The following TRMT1L variants were observed in gnomAD, a reference collection of about 807,000 sequenced individuals.
The protein encoded by TRMT1L is tRNA (guanine(27)-N(2))-dimethyltransferase.
In TRMT1L, 28 loss-of-function variants were observed where a neutral mutation model predicts 81.6. That is an observed-to-expected ratio of 0.34 (90% CI 0.25 to 0.47). TRMT1L has a LOEUF of 0.47. Among genes scored for constraint, TRMT1L ranks in the 20% least tolerant of loss-of-function variants. The pLI is 1.00. For synonymous variants in TRMT1L, 301 were observed against 303.2 expected (o/e 0.99, Z 0.07); for missense variants, 739 against 877.1 (o/e 0.84, Z 1.99).
chr1:185,152,647 G>A (rs1653392401), intron 1 of TRMT1L, among the ~76,000 whole-genome samples: 1 of 152,034 alleles, frequency 6.6e-6, no homozygotes, highest in South Asian at 2.1e-4. Flanking sequence ...CAATGGGAAG[G>A]GACAGAATAG....
At chr1:185,123,099 A>G (rs944446081) in intron 13 of TRMT1L, among the ~76,000 whole-genome samples, 9 of 152,232 alleles carry the variant, frequency 5.9e-5, no homozygotes, top group Admixed American at 2.0e-4. Flanking sequence ...CCAAATGAAC[A>G]TGGCTGTTGC....
In TRMT1L at chr1:185,131,100, C is replaced by T. The variant is rs1178744762; in HGVS notation, c.1514-2353G>A. On this transcript the variant is annotated intron_variant, in intron 10 of 14. Coordinates refer to ENST00000367506, the MANE Select transcript of TRMT1L (RefSeq NM_030934.5). ...CTGCAAGCTCCGCCTCCCAGGTTCA[C>T]GCCATTCTCCTGCCTCAGCCTCCCG... is the stretch of plus-strand genomic sequence containing the variant. Among the ~76,000 whole-genome samples the T allele has an allele frequency of 3.3e-5, 5 of 152,052 alleles. No homozygotes were observed. The East Asian group carries it at 5.8e-4, about 18-fold the overall frequency.
At chr1:185,154,796 C>T (rs1653448847) in intron 1 of TRMT1L, among the ~76,000 whole-genome samples, 1 of 152,182 alleles carries the variant, frequency 6.6e-6, no homozygotes, top group Admixed American at 6.5e-5. Context: ...TAAGATAGTG[C>T]GTATCAGACA....
chr1:185,140,527 T>C (rs1045684753), intron 7 of TRMT1L, among the ~76,000 whole-genome samples: 3 of 152,156 alleles, frequency 2.0e-5, no homozygotes, highest in Non-Finnish European at 2.9e-5. Flanking sequence ...TTTCTGACCA[T>C]GGAATACTTT....
intron 10 of TRMT1L, among the ~76,000 whole-genome samples, chr1:185,135,240 A>C (rs113879149): frequency 4.0e-5 from 6 of 149,890 alleles, no homozygotes; most frequent in Non-Finnish European, 7.4e-5. Flanking sequence ...ACATGGTGAA[A>C]CCCCGTCTCT....
At chr1:185,146,197 CTTAATTT>C (rs992449424) in intron 4 of TRMT1L, among the ~76,000 whole-genome samples, 58 of 152,016 alleles carry the variant, frequency 3.8e-4, no homozygotes, top group African/African-American at 1.3e-3. Flanking sequence ...GTTTATATAA[CTTAATTT>C]TTAATGGAGG....
chr1:185,127,611 T>G (rs1336133079), intron 11 of TRMT1L, among the ~76,000 whole-genome samples: 2 of 151,348 alleles, frequency 1.3e-5, no homozygotes, highest in Admixed American at 1.3e-4. Flanking sequence ...AATACAAAAT[T>G]AGCTGGGCAT....
rs1454724206 is a variant in TRMT1L at position 185,119,352 on chromosome 1, G to A, written c.*667C>T. On this transcript the variant is annotated 3_prime_UTR_variant, in exon 15 of 15. Coordinates refer to ENST00000367506, the MANE Select transcript of TRMT1L (RefSeq NM_030934.5). ...GAACAAGTATTATATTAGATTAATG[G>A]TCTCAATTTATTCTGACAAAATCTT... The A allele has an allele frequency of 6.6e-6, 1 of 152,030 alleles. No homozygotes were observed. The highest frequency in any genetic ancestry group is 1.5e-5 in the Non-Finnish European group (1 of 67,996). 9.4% of individuals were successfully genotyped at this position (152,030 alleles called of 1,614,324 possible). A position where few individuals can be genotyped will look rare whatever the true frequency, so the allele number is the denominator to read the frequency against.
At position 185,156,340 on chromosome 1, in the gene TRMT1L, GC is replaced by G; in HGVS notation, c.235+137del. The G allele has an allele frequency of 1.5e-5, 24 of 1,582,386 alleles. No individual in the cohort carries two copies. In the South Asian group the frequency reaches 2.6e-4, roughly 17 times the overall value. Reference sequence around the variant, plus strand: ...TAACCCTGCTTTAGCCGCTACACGGGCCCCTCTTTCCTCCCCACCATTTTCC... The same window carrying G: ...TAACCCTGCTTTAGCCGCTACACGGGCCCTCTTTCCTCCCCACCATTTTCC... On this transcript the variant is annotated intron_variant, in intron 1 of 14. Coordinates refer to ENST00000367506, the MANE Select transcript of TRMT1L (RefSeq NM_030934.5).
chr1:185,155,575 G>C (rs1325678078), intron 1 of TRMT1L, among the ~76,000 whole-genome samples: 2 of 152,054 alleles, frequency 1.3e-5, no homozygotes, highest in Non-Finnish European at 2.9e-5. Context: ...TGGCCTAGAA[G>C]TAGAAAAAAT....
intron 3 of TRMT1L, among the ~76,000 whole-genome samples, chr1:185,149,279 G>A (rs911791334): frequency 3.3e-5 from 5 of 149,502 alleles, no homozygotes; most frequent in African/African-American, 1.2e-4. Flanking sequence ...ACATTTATCC[G>A]TGCCTGTTGA....
At chr1:185,153,574 T>C (rs1239147984) in intron 1 of TRMT1L, among the ~76,000 whole-genome samples, 3 of 152,028 alleles carry the variant, frequency 2.0e-5, no homozygotes, top group Non-Finnish European at 4.4e-5. Flanking sequence ...AGAAACAGAA[T>C]TGGAAGGGGA....
At chr1:185,122,415 C>G (rs1652521640) in intron 13 of TRMT1L, among the ~76,000 whole-genome samples, 1 of 152,082 alleles carries the variant, frequency 6.6e-6, no homozygotes, top group Non-Finnish European at 1.5e-5. Flanking sequence ...GAAAGGCTCA[C>G]AGATTAAAAA....
intron 9 of TRMT1L, among the ~76,000 whole-genome samples, chr1:185,139,103 G>A (rs991988007): frequency 1.3e-5 from 2 of 152,064 alleles, no homozygotes; most frequent in African/African-American, 2.4e-5. Flanking sequence ...GAAATAAACT[G>A]GAAATTAACT....
chr1:185,147,111 C>T (rs1653207671), intron 4 of TRMT1L, 71 bp downstream of exon 4: 1 of 1,073,132 alleles, frequency 9.3e-7, no homozygotes, highest in Non-Finnish European at 1.4e-6. Context: ...TTTAGTTTCA[C>T]AGTAAGTAAA....
At chr1:185,157,307 C>T (rs1653669398), upstream of TRMT1L, 1 of 152,798 alleles carries the variant, frequency 6.5e-6, no homozygotes, top group East Asian at 1.9e-4. Context: ...GCCGCCGGCG[C>T]TGGTAAGGTA....
intron 1 of TRMT1L, among the ~76,000 whole-genome samples, chr1:185,152,895 G>C (rs1653402773): frequency 1.3e-5 from 2 of 152,126 alleles, no homozygotes; most frequent in South Asian, 4.1e-4. Context: ...ATGTATAATA[G>C]GCAGCTGGCA....
Position 185,120,111 on chromosome 1 carries a change from G to A in TRMT1L, c.2110C>T (p.His704Tyr), listed in dbSNP as rs1557982865. ...PTYTGGQSES[H>Y]VQSASEDTVT... ...GTATCTTCAGATGCTGACTGGACAT[G>A]GCTTTCTGACTGTCCTCCAGTGTAG... Residue 704 changes from histidine to tyrosine, a missense_variant, in exon 15 of 15, where the codon CAT becomes TAT. Around this residue, in one of 4 missense-constraint regions of TRMT1L, gnomAD observed 196 missense variants for 232.6 expected, o/e 0.84. Coordinates refer to ENST00000367506, the MANE Select transcript of TRMT1L (RefSeq NM_030934.5). The A allele has an allele frequency of 1.9e-6, 3 of 1,613,846 alleles. No homozygotes were observed.
At chr1:185,120,746 G>A (rs919691456) in intron 13 of TRMT1L, 16 of 286,668 alleles carry the variant, frequency 5.6e-5, no homozygotes, top group Non-Finnish European at 7.5e-5. Flanking sequence ...ACTCTATTTC[G>A]TCTCCTGTAG....
Sources: allele counts gnomAD v4.1 joint callset (sites outside exome capture counted in the v4.1 genomes callset), GRCh38; gene constraint gnomAD v4.1.1; regional missense constraint gnomAD v4.1.1; transcripts MANE v1.5; gene names NCBI Gene and HGNC (gene_info 2026-07-23, HGNC 2026-07-21).